The following SCEL variants were observed in gnomAD, a reference collection of about 807,000 sequenced individuals.
SCEL encodes the protein sciellin.
SCEL carries 113 observed loss-of-function variants against 117.6 expected under a neutral mutation model. The ratio of observed to expected loss-of-function variants is 0.96; its 90% CI spans 0.83 to 1.12. The LOEUF (loss-of-function observed/expected upper bound fraction) is 1.12. Among genes scored for constraint, SCEL ranks in the 50% most tolerant of loss-of-function variants. SCEL has a pLI of 0.00. For missense variants in SCEL, 785 were observed against 810.8 expected (o/e 0.97, Z 0.39); for synonymous variants, 270 against 256.2 (o/e 1.05, Z -0.51).
chr13:77,629,907 T>C (rs966157943), intron 28 of SCEL, among the ~76,000 whole-genome samples: 2 of 152,220 alleles, frequency 1.3e-5, no homozygotes, highest in African/African-American at 4.8e-5. Flanking sequence ...CTTCTGGGCA[T>C]GGGGCAGAAT....
chr13:77,638,457 C>T (rs1255423084), intron 30 of SCEL, among the ~76,000 whole-genome samples: 2 of 152,160 alleles, frequency 1.3e-5, no homozygotes, highest in Non-Finnish European at 2.9e-5. Flanking sequence ...ATAGTACCAA[C>T]ATCAGTGCAT....
intron 28 of SCEL, among the ~76,000 whole-genome samples, chr13:77,629,709 C>A (rs758686038): frequency 2.0e-5 from 3 of 152,068 alleles, no homozygotes; most frequent in Non-Finnish European, 2.9e-5. Context: ...TCGGAGACTT[C>A]AGAATGAAGA....
intron 20 of SCEL, 124 bp from the exon 21 acceptor site, chr13:77,608,934 G>GT: frequency 1.4e-6 from 1 of 736,852 alleles, no homozygotes; most frequent in Non-Finnish European, 2.2e-6. Flanking sequence ...GCATAGACTG[G>GT]TATCAATTTA....
At chr13:77,539,241 A>G (rs2083569929) in intron 1 of SCEL, among the ~76,000 whole-genome samples, 1 of 151,142 alleles carries the variant, frequency 6.6e-6, no homozygotes. Context: ...TAATTAATAG[A>G]CATATAAAAT....
chr13:77,589,079 G>T (rs1300934179), intron 9 of SCEL, 65 bp from the exon 10 acceptor site: 1 of 1,201,506 alleles, frequency 8.3e-7, no homozygotes, highest in Non-Finnish European at 1.2e-6. Context: ...AATGCATTCA[G>T]TTAATAGATG....
At chr13:77,598,035 C>T (rs2087363226) in intron 13 of SCEL, among the ~76,000 whole-genome samples, 1 of 150,112 alleles carries the variant, frequency 6.7e-6, no homozygotes, top group African/African-American at 2.5e-5. Flanking sequence ...AATCATAACT[C>T]ACTGCAGCCT....
At chr13:77,618,162 T>C in intron 27 of SCEL, 102 bp downstream of exon 27, 1 of 856,546 alleles carries the variant, frequency 1.2e-6, no homozygotes, top group Non-Finnish European at 2.0e-6. Context: ...CCCTTACTCC[T>C]TTCCTCCCTT....
At chr13:77,633,987 C>T (rs997071198) in intron 28 of SCEL, among the ~76,000 whole-genome samples, 4 of 152,154 alleles carry the variant, frequency 2.6e-5, no homozygotes, top group African/African-American at 9.7e-5. Context: ...CAGATATTGT[C>T]ATGATAGCTA....
chr13:77,605,803 G>A (rs1190870115), intron 19 of SCEL, among the ~76,000 whole-genome samples: 3 of 151,986 alleles, frequency 2.0e-5, no homozygotes, highest in South Asian at 2.1e-4. Flanking sequence ...TCAGGGGATC[G>A]AGACCATCCT....
chr13:77,636,498 A>G (rs1267491753), intron 29 of SCEL, among the ~76,000 whole-genome samples: 4 of 152,192 alleles, frequency 2.6e-5, no homozygotes, highest in Non-Finnish European at 2.9e-5. Flanking sequence ...CCCAGATAGC[A>G]TAAGTACTTG....
rs1382750856 is a variant in SCEL at position 77,640,734 on chromosome 13, A to G, written c.1897A>G (p.Lys633Glu). Residue 633 changes from lysine (K) to glutamate (E), a missense_variant, in exon 31 of 33, where the codon AAA (lysine) becomes GAA (glutamate). Coordinates refer to ENST00000349847, the MANE Select transcript of SCEL (RefSeq NM_144777.3). ...CCGAAAACCCTTGGGTGTAGAAACT[A>G]AAATGATTTTAGATGAATTACAAAT... ...YCRKPLGVET[K>E]MILDELQICC... 2 of 1,607,178 alleles carry G rather than the reference A, an allele frequency of 1.2e-6. No homozygotes were observed. The highest frequency in any genetic ancestry group is 1.3e-5 in the African/African-American group (1 of 74,736).
chr13:77,593,293 T>TGCGCGCGC lies in SCEL; in HGVS notation c.693-220_693-219insCGCGCGCG, dbSNP rs1491396156. ...GTGTGTGTGTGTGTGTGTGTGTGTG[T>TGCGCGCGC]GTGTCTGTGTGTGTGTGTGTGTGTG... On this transcript the variant is annotated intron_variant, in intron 11 of 32. Coordinates refer to ENST00000349847, the MANE Select transcript of SCEL (RefSeq NM_144777.3). Among the ~76,000 whole-genome samples the TGCGCGCGC allele has an allele frequency of 2.6e-3, 138 of 53,390 alleles. 4 individuals carry two copies. In the East Asian group the frequency reaches 0.042, roughly 16 times the overall value. The allele number at this position is 53,390 out of a possible 152,430, so 35.0% of individuals were successfully genotyped here.
chr13:77,572,389 A>T (rs2085690302), intron 9 of SCEL, among the ~76,000 whole-genome samples, 200 bp downstream of exon 9: 1 of 152,168 alleles, frequency 6.6e-6, no homozygotes, highest in Admixed American at 6.5e-5. Context: ...AACTGCTAGG[A>T]ATGAGTAGGT....
rs954617572 is a variant in SCEL at position 77,644,423 on chromosome 13, T to A, written c.*149T>A. The A allele has an allele frequency of 1.0e-4, 78 of 754,340 alleles. No homozygotes were observed. In the African/African-American group the frequency reaches 1.1e-3, roughly 11 times the overall value. The allele number at this position is 754,340 out of a possible 1,614,324, so 46.7% of individuals were successfully genotyped here. On this transcript the variant is annotated 3_prime_UTR_variant, in exon 33 of 33. Coordinates refer to ENST00000349847, the MANE Select transcript of SCEL (RefSeq NM_144777.3). ...CAATTCTGTTATTGCATAAGTAATC[T>A]AATTGTCTTCAATAAGGTCACACAC... is the stretch of plus-strand genomic sequence containing the variant.
At chr13:77,624,807 A>G (rs1189279759) in intron 27 of SCEL, among the ~76,000 whole-genome samples, 2 of 152,202 alleles carry the variant, frequency 1.3e-5, no homozygotes, top group Non-Finnish European at 2.9e-5. Flanking sequence ...AGACCAGACA[A>G]TCTTAAAGGT....
At chr13:77,617,714 T>C in intron 25 of SCEL, 56 bp downstream of exon 25, 2 of 1,465,594 alleles carry the variant, frequency 1.4e-6, no homozygotes, top group Non-Finnish European at 1.9e-6. Flanking sequence ...TTAAGTTTTA[T>C]TATTACTTCA....
intron 16 of SCEL, 63 bp from the exon 17 acceptor site, chr13:77,602,591 A>T (rs2087787210): frequency 4.3e-6 from 6 of 1,394,018 alleles, no homozygotes; most frequent in Non-Finnish European, 6.1e-6. Flanking sequence ...ATTCTTGATT[A>T]TACAGATTTC....
At chr13:77,576,279 T>C (rs1339238748) in intron 9 of SCEL, among the ~76,000 whole-genome samples, 1 of 150,334 alleles carries the variant, frequency 6.7e-6, no homozygotes, top group East Asian at 2.0e-4. Context: ...TATGCCCTTA[T>C]GAAATCTCTC....
chr13:77,620,866 T>C lies in SCEL; in HGVS notation c.1628+2806T>C, dbSNP rs116716983. ...ATCTTCTTAAGGATTTCCTATTTGT[T>C]AAGACATCCCCAAGTTTTTAGTATT... is the stretch of plus-strand genomic sequence containing the variant. On this transcript the variant is annotated intron_variant, in intron 27 of 32. Coordinates refer to ENST00000349847, the MANE Select transcript of SCEL (RefSeq NM_144777.3). Among the ~76,000 whole-genome samples the C allele has an allele frequency of 1.3e-3, 202 of 152,310 alleles. 2 individuals carry two copies. The highest frequency in any genetic ancestry group is 4.4e-3 in the African/African-American group (184 of 41,584).
Sources: allele counts gnomAD v4.1 joint callset (sites outside exome capture counted in the v4.1 genomes callset), GRCh38; gene constraint gnomAD v4.1.1; transcripts MANE v1.5; gene names NCBI Gene and HGNC (gene_info 2026-07-23, HGNC 2026-07-21).